The following PCDHGA11 variants were observed in gnomAD, a reference collection of about 807,000 sequenced individuals.
PCDHGA11 encodes protocadherin gamma-A11.
In PCDHGA11, 39 loss-of-function variants were observed where a neutral mutation model predicts 60.4. The ratio of observed to expected loss-of-function variants is 0.65; its 90% confidence interval spans 0.50 to 0.84. The LOEUF (loss-of-function observed/expected upper bound fraction) is 0.84, where lower values mean the gene tolerates loss of function less well. PCDHGA11 is among the 40% of genes least tolerant of loss of function. PCDHGA11 has a pLI of 0.00. For missense variants in PCDHGA11, 1,165 were observed against 1,197.7 expected (o/e 0.97, Z 0.40); for synonymous variants, 533 against 510.3 (o/e 1.04, Z -0.60).
rs1190445239 is a variant in PCDHGA11 at position 141,431,331 on chromosome 5, A to T, written c.2433+7671A>T. 1 of 1,614,062 alleles carries T rather than the reference A, an allele frequency of 6.2e-7. No individual in the cohort carries two copies. The highest frequency in any genetic ancestry group is 1.7e-5 in the Admixed American group (1 of 60,026). On this transcript the variant is annotated intron_variant, in intron 1 of 3. Coordinates refer to ENST00000398587, the MANE Select transcript of PCDHGA11 (RefSeq NM_018914.3). The surrounding 1 kb of genome is among the most constrained non-coding windows in gnomAD (Gnocchi z 4.8). ...CAAAATGGAGCCGACGGTAGTAAGT[A>T]CCCCGAATTGGTGCTGAAACGCGCC...
At chr5:141,510,402 G>A (rs2099880998) in intron 3 of PCDHGA11, among the ~76,000 whole-genome samples, 1 of 152,008 alleles carries the variant, frequency 6.6e-6, no homozygotes, top group African/African-American at 2.4e-5. Flanking sequence ...GCAAAGGCTA[G>A]GGGCATGTAA....
At chr5:141,502,724 C>T (rs1288841230) in intron 2 of PCDHGA11, among the ~76,000 whole-genome samples, 2 of 152,134 alleles carry the variant, frequency 1.3e-5, no homozygotes, top group African/African-American at 4.8e-5. Context: ...GATTACAAAG[C>T]GGTGATGTTC....
rs767337670 is a variant in PCDHGA11 at position 141,433,083 on chromosome 5, A to G, written c.2433+9423A>G. 8.1e-6 allele frequency: 13 copies of G among 1,614,174 alleles called. 1 individual carries two copies. Among genetic ancestry groups the G allele is most frequent in the Non-Finnish European group, 9.3e-6 (11 of 1,180,024 alleles). ...CACCTGATCTTCCCCCAGCCCAACT[A>G]TGCAGACATGCTCGTCAGCCAGGAG... On this transcript the variant is annotated intron_variant, in intron 1 of 3. Coordinates refer to ENST00000398587, the MANE Select transcript of PCDHGA11 (RefSeq NM_018914.3).
Position 141,489,623 on chromosome 5 carries a change from A to T in PCDHGA11, c.2434-5184A>T, listed in dbSNP as rs924162827. On this transcript the variant is annotated intron_variant, in intron 1 of 3. Coordinates refer to ENST00000398587, the MANE Select transcript of PCDHGA11 (RefSeq NM_018914.3). This position sits in a 1 kb window ranked among gnomAD's most constrained non-coding sequence, Gnocchi z 4.5. ...GAGGTAGAGATCCTGGATCTCAATG[A>T]CAACTCTCCTAGCTTTGCCACCCCT... is the stretch of plus-strand genomic sequence containing the variant. The T allele has an allele frequency of 6.2e-7, 1 of 1,614,102 alleles. No homozygotes were observed. Among genetic ancestry groups the T allele is most frequent in the Non-Finnish European group, 8.5e-7 (1 of 1,179,996 alleles).
chr5:141,443,317 CA>C (rs35054295), intron 1 of PCDHGA11, among the ~76,000 whole-genome samples: 28 of 142,048 alleles, frequency 2.0e-4, no homozygotes, highest in Non-Finnish European at 2.6e-4. Flanking sequence ...CCCATCTCTA[CA>C]AAAAAAAAAA....
Position 141,477,833 on chromosome 5 carries a change from G to C in PCDHGA11, c.2434-16974G>C. Reference sequence around the variant, plus strand: ...CCCCCAGGTCCTATATCCTCGGCCAGGTGGGAGCTCGGTGGAGATGCTGCC... The same window carrying C: ...CCCCCAGGTCCTATATCCTCGGCCACGTGGGAGCTCGGTGGAGATGCTGCC... On this transcript the variant is annotated intron_variant, in intron 1 of 3. Transcript: ENST00000398587. This position sits in a 1 kb window ranked among gnomAD's most constrained non-coding sequence, Gnocchi z 4.9. The C allele has an allele frequency of 6.2e-7, 1 of 1,614,174 alleles. No individual in the cohort carries two copies.
At chr5:141,507,178 G>A (rs548016031) in intron 3 of PCDHGA11, 4 of 152,350 alleles carry the variant, frequency 2.6e-5, no homozygotes, top group East Asian at 3.9e-4. Flanking sequence ...CCTCTTCCTC[G>A]AGCTCTGCTT....
At chr5:141,427,857 G>T (rs746661329) in intron 1 of PCDHGA11, 2 of 1,554,576 alleles carry the variant, frequency 1.3e-6, no homozygotes, top group Admixed American at 3.3e-5. Flanking sequence ...GCAGCTGTGC[G>T]CCTTCGAGCT....
At chr5:141,472,980 CAAAAAAA>C (rs60579131) in intron 1 of PCDHGA11, among the ~76,000 whole-genome samples, 1 of 86,108 alleles carries the variant, frequency 1.2e-5, no homozygotes, top group East Asian at 4.1e-4. Context: ...GAGTGAAACT[CAAAAAAA>C]AAAAAAAAAA....
rs1470748782 is a variant in PCDHGA11 at position 141,422,800 on chromosome 5, C to A, written c.1573C>A (p.Gln525Lys). The A allele has an allele frequency of 6.2e-7, 1 of 1,614,094 alleles. No individual in the cohort carries two copies. Among genetic ancestry groups the A allele is most frequent in the Non-Finnish European group, 8.5e-7 (1 of 1,180,028 alleles). The change falls in exon 1 of 4, where the codon CAG (glutamine) becomes AAG (lysine). Residue 525 changes from glutamine (Q) to lysine (K), a missense_variant. Transcript: ENST00000398587. ...TGCCCTACAATCCTTCGACTATGAG[C>A]AGTTTCGAGACTTAGAACTGAGAGT... ...LYALQSFDYEQFRDLELRVIA... is the reference protein window; with the variant it reads ...LYALQSFDYEKFRDLELRVIA...
In PCDHGA11 at chr5:141,491,257, G is replaced by A. The variant is rs754721047; in HGVS notation, c.2434-3550G>A. 2 of 1,614,170 alleles carry A rather than the reference G, an allele frequency of 1.2e-6. No individual in the cohort carries two copies. The highest frequency in any genetic ancestry group is 3.3e-5 in the Admixed American group (2 of 60,020). On this transcript the variant is annotated intron_variant, in intron 1 of 3. Coordinates refer to ENST00000398587, the MANE Select transcript of PCDHGA11 (RefSeq NM_018914.3). This position sits in a 1 kb window ranked among gnomAD's most constrained non-coding sequence, Gnocchi z 6.9. ...GGTTCTGGAGGATGAGGACCCTGAG[G>A]AAATGCCCAAATCCAGTGACTTCCT... is the stretch of plus-strand genomic sequence containing the variant.
At chr5:141,467,630 T>A (rs1483747040) in intron 1 of PCDHGA11, among the ~76,000 whole-genome samples, 2 of 152,194 alleles carry the variant, frequency 1.3e-5, no homozygotes, top group African/African-American at 4.8e-5. Flanking sequence ...TGAGATAGCA[T>A]CTTTATCATG....
At position 141,476,193 on chromosome 5, in the gene PCDHGA11, T is replaced by C. The variant is rs1224461188; in HGVS notation, c.2434-18614T>C. On this transcript the variant is annotated intron_variant, in intron 1 of 3. Coordinates refer to ENST00000398587, the MANE Select transcript of PCDHGA11 (RefSeq NM_018914.3). The surrounding 1 kb of genome is among the most constrained non-coding windows in gnomAD (Gnocchi z 7.6). The stretch of plus-strand genomic sequence containing the variant: ...GGAGTTTTGCTTCTGCTTGGTGCCT[T>C]GAACAAGGCTTCCACGGTCATTCAC... The C allele has an allele frequency of 6.2e-7, 1 of 1,613,812 alleles. No homozygotes were observed. Among genetic ancestry groups the C allele is most frequent in the South Asian group, 1.1e-5 (1 of 91,068 alleles).
Position 141,491,743 on chromosome 5 carries a change from A to G in PCDHGA11, c.2434-3064A>G, listed in dbSNP as rs752434173. ...GCCCCGGGCGACCCCTGGGGGCGGC[A>G]CTGGAGAAGCCGCCCGTCCTCATAA... On this transcript the variant is annotated intron_variant, in intron 1 of 3. Transcript: ENST00000398587. The surrounding 1 kb of genome is among the most constrained non-coding windows in gnomAD (Gnocchi z 6.9). 5.0e-6 allele frequency: 8 copies of G among 1,595,570 alleles called. No individual in the cohort carries two copies. In the Admixed American group the frequency reaches 1.4e-4, roughly 28 times the overall value.
In PCDHGA11 at chr5:141,422,020, G is replaced by T. The variant is rs374562798; in HGVS notation, c.793G>T (p.Val265Phe). The T allele has an allele frequency of 1.3e-5, 21 of 1,610,932 alleles. No individual in the cohort carries two copies. The East Asian group carries it at 3.8e-4, about 29-fold the overall frequency. Residue 265 changes from valine (V) to phenylalanine (F), a missense_variant, in exon 1 of 4, where the codon GTT (valine) becomes TTT (phenylalanine). Transcript: ENST00000398587. ...CAGCTCCGGAACTCGGGTGCTGATG[G>T]TTAATGCAACGGATCCAGACGAGGG... Reference protein sequence around the residue: ...NISSGTRVLMVNATDPDEGIN... With the variant: ...NISSGTRVLMFNATDPDEGIN...
rs1330469043 is a variant in PCDHGA11 at position 141,491,537 on chromosome 5, C to A, written c.2434-3270C>A. On this transcript the variant is annotated intron_variant, in intron 1 of 3. Transcript: ENST00000398587. This position sits in a 1 kb window ranked among gnomAD's most constrained non-coding sequence, Gnocchi z 6.9. ...AAGTACATGGAGGTGACGCTGCGGCCCACAGACTCGCAGAGCCACTGCTAC... is the reference window on the plus strand; with the variant it reads ...AAGTACATGGAGGTGACGCTGCGGCACACAGACTCGCAGAGCCACTGCTAC... The A allele has an allele frequency of 6.2e-7, 1 of 1,613,908 alleles. No homozygotes were observed. Among genetic ancestry groups the A allele is most frequent in the African/African-American group, 1.3e-5 (1 of 74,920 alleles).
rs11952292 is a variant in PCDHGA11 at position 141,491,682 on chromosome 5, G to T, written c.2434-3125G>T. The T allele has an allele frequency of 0.072, 115,891 of 1,613,112 alleles. 4,572 individuals carry two copies. The highest frequency in any genetic ancestry group is 0.11 in the South Asian group (9,996 of 91,042). ...ACGCCATCCGGTCCCGCTCTAATAC[G>T]CTGCGGGAGCGGAGCCAGGTGAGGG... On this transcript the variant is annotated intron_variant, in intron 1 of 3. Coordinates refer to ENST00000398587, the MANE Select transcript of PCDHGA11 (RefSeq NM_018914.3). The surrounding 1 kb of genome is among the most constrained non-coding windows in gnomAD (Gnocchi z 6.9).
chr5:141,422,928 C>T lies in PCDHGA11; in HGVS notation c.1701C>T (p.Ala567=), dbSNP rs781145334. 4 of 1,614,128 alleles carry T rather than the reference C, an allele frequency of 2.5e-6. No individual in the cohort carries two copies. In the African/African-American group the frequency reaches 4.0e-5, roughly 16 times the overall value. Residue 567 remains alanine (A), a synonymous_variant, in exon 1 of 4, where the codon GCC becomes GCT. Transcript: ENST00000398587. ...NDNAPEILYP[A]LPTDGSTGVE... ...ATGCGCCCGAGATCCTGTACCCTGC[C>T]CTCCCCACAGACGGCTCCACTGGCG...
chr5:141,490,517 C>T lies in PCDHGA11; in HGVS notation c.2434-4290C>T. 6.2e-7 allele frequency: 1 copy of T among 1,613,972 alleles called. No homozygotes were observed. The highest frequency in any genetic ancestry group is 2.2e-5 in the East Asian group (1 of 44,854). ...TCCCACTATATCATCGAGCTGCTGG[C>T]CAGCGATGCTGGTTCACCTTCCCTA... On this transcript the variant is annotated intron_variant, in intron 1 of 3. Coordinates refer to ENST00000398587, the MANE Select transcript of PCDHGA11 (RefSeq NM_018914.3). The surrounding 1 kb of genome is among the most constrained non-coding windows in gnomAD (Gnocchi z 5.4).
Sources: allele counts gnomAD v4.1 joint callset (sites outside exome capture counted in the v4.1 genomes callset), GRCh38; gene constraint gnomAD v4.1.1; non-coding constraint Gnocchi (gnomAD v3.1); transcripts MANE v1.5; gene names NCBI Gene and HGNC (gene_info 2026-07-23, HGNC 2026-07-21).